PLEKHA8: variants seen among roughly 807,000 people sequenced by gnomAD.
PLEKHA8 encodes the protein pleckstrin homology domain-containing family A member 8.
Under a neutral mutation model 68.2 loss-of-function variants are expected in PLEKHA8, and 36 were observed. The observed-to-expected ratio is 0.53, with a 90% CI of 0.40 to 0.70. The LOEUF (loss-of-function observed/expected upper bound fraction) is 0.70, where lower values mean the gene tolerates loss of function less well. Ranked by LOEUF, PLEKHA8 falls within the 30% of genes least tolerant of loss-of-function variation. The pLI, the probability that PLEKHA8 is intolerant of heterozygous loss-of-function variation, is 0.00. For synonymous variants in PLEKHA8, 211 were observed against 216.1 expected, an observed-to-expected ratio of 0.98 and a Z score of 0.20; for missense variants, 505 against 615.4, an observed-to-expected ratio of 0.82 and a Z score of 1.90.
Position 30,083,304 on chromosome 7 carries a change from CAG to C in PLEKHA8, c.*4518_*4519del. The C allele has an allele frequency of 2.0e-6, 2 of 985,014 alleles. No homozygotes were observed. The highest frequency in any genetic ancestry group is 2.4e-6 in the Non-Finnish European group (2 of 829,558). 61.0% of individuals were successfully genotyped at this position (985,014 alleles called of 1,614,324 possible). On this transcript the variant is annotated 3_prime_UTR_variant, in exon 14 of 14. Transcript: ENST00000449726. ...CCTTTGTAATCCGCAGTTGCTTACT[CAG>C]GGGTTTCATAGTCATTTCATAAAAA... is the stretch of plus-strand genomic sequence containing the variant.
Position 30,079,417 on chromosome 7 carries a change from G to A in PLEKHA8, c.*630G>A, listed in dbSNP as rs754785821. The A allele has an allele frequency of 1.0e-4, 100 of 985,588 alleles. No homozygotes were observed. Among genetic ancestry groups the A allele is most frequent in the Non-Finnish European group, 1.2e-4 (100 of 830,206 alleles). The allele number at this position is 985,588 out of a possible 1,614,324, so 61.1% of individuals were successfully genotyped here. On this transcript the variant is annotated 3_prime_UTR_variant, in exon 14 of 14. Coordinates refer to ENST00000449726, the MANE Select transcript of PLEKHA8 (RefSeq NM_001197026.2). ...CTGACAGGCATGAAACCGTTGCTCT[G>A]AGAAGATTAATGGTGTGCCCTAGCC...
chr7:30,031,317 G>A (rs1041018889), intron 1 of PLEKHA8, among the ~76,000 whole-genome samples: 1 of 152,190 alleles, frequency 6.6e-6, no homozygotes, highest in African/African-American at 2.4e-5. Flanking sequence ...CGGGTTGTTA[G>A]AGAAAGCTTC....
intron 2 of PLEKHA8, among the ~76,000 whole-genome samples, chr7:30,045,820 A>G (rs1431385836): frequency 6.6e-6 from 1 of 152,236 alleles, no homozygotes; most frequent in Admixed American, 6.5e-5. Flanking sequence ...ATTGTTTCCC[A>G]ATAAATCCAA....
intron 1 of PLEKHA8, among the ~76,000 whole-genome samples, chr7:30,031,359 A>T (rs1790646645): frequency 6.6e-6 from 1 of 152,214 alleles, no homozygotes; most frequent in South Asian, 2.1e-4. Context: ...AGTCTGAAGG[A>T]TAAATCAAGC....
In PLEKHA8 at chr7:30,124,055, G is replaced by A. The variant is rs143162722; in HGVS notation, c.1363-5211G>A. Among the ~76,000 whole-genome samples, 263 of 152,282 alleles carry A rather than the reference G, an allele frequency of 1.7e-3. 1 individual carries two copies. Among genetic ancestry groups the A allele is most frequent in the African/African-American group, 5.9e-3 (247 of 41,560 alleles). ...ATTTTGGTTAAAATGTATTTAATAT[G>A]ACTTATTAAGACTAAACTAGGAGCA... is the stretch of plus-strand genomic sequence containing the variant. On this transcript the variant is annotated intron_variant, in intron 13 of 13. Coordinates refer to the PLEKHA8 transcript ENST00000396257.
At chr7:30,052,665 A>G (rs1329290270) in intron 6 of PLEKHA8, 44 bp from the exon 7 acceptor site, 1 of 1,475,612 alleles carries the variant, frequency 6.8e-7, no homozygotes, top group African/African-American at 1.5e-5. Context: ...AAAAAAGACC[A>G]AATAACGACC....
At chr7:30,096,505 A>G (rs1287304820) in intron 13 of PLEKHA8, among the ~76,000 whole-genome samples, 1 of 152,164 alleles carries the variant, frequency 6.6e-6, no homozygotes, top group Non-Finnish European at 1.5e-5. Context: ...TCCTAATTGA[A>G]TGCCCTTTAT....
chr7:30,073,563 T>C (rs1261197632), intron 12 of PLEKHA8, among the ~76,000 whole-genome samples: 1 of 111,776 alleles, frequency 8.9e-6, no homozygotes, highest in Non-Finnish European at 1.8e-5. Context: ...TTGTGTTTCT[T>C]AAAAAAAAAA....
At chr7:30,031,439 A>ACAGGGAATGC (rs1367830370) in intron 1 of PLEKHA8, among the ~76,000 whole-genome samples, 2 of 152,226 alleles carry the variant, frequency 1.3e-5, no homozygotes, top group African/African-American at 2.4e-5. Context: ...CTTTTCAGGC[A>ACAGGGAATGC]CAGGGAATGC....
rs773152004 is a variant in PLEKHA8 at position 30,121,929 on chromosome 7, TC to T, written c.1363-7335del. Reference sequence around the variant, plus strand: ...AGCTATTCATTCTACAGAAGTGCCATCCAACTATCTTGGTATGATTGCCACA... The same window carrying T: ...AGCTATTCATTCTACAGAAGTGCCATCAACTATCTTGGTATGATTGCCACA... On this transcript the variant is annotated intron_variant, in intron 13 of 13. Transcript: ENST00000396257. Among the ~76,000 whole-genome samples the T allele has an allele frequency of 4.6e-5, 7 of 152,324 alleles. No homozygotes were observed. The South Asian group carries it at 8.3e-4, about 18-fold the overall frequency.
At position 30,079,723 on chromosome 7, in the gene PLEKHA8, C is replaced by A; in HGVS notation, c.*936C>A. On this transcript the variant is annotated 3_prime_UTR_variant, in exon 14 of 14. Coordinates refer to ENST00000449726, the MANE Select transcript of PLEKHA8 (RefSeq NM_001197026.2). ...TCATATGGAGTGCTTGTTCAAACAG[C>A]AGATTCCCAGGCCTTATTTTGGCCT... 2 of 505,194 alleles carry A rather than the reference C, an allele frequency of 4.0e-6. No homozygotes were observed. Among genetic ancestry groups the A allele is most frequent in the Non-Finnish European group, 5.1e-6 (2 of 391,570 alleles). The allele number at this position is 505,194 out of a possible 1,614,324, so 31.3% of individuals were successfully genotyped here. A position where few individuals can be genotyped will look rare whatever the true frequency, so the allele number is the denominator to read the frequency against.
intron 1 of PLEKHA8, among the ~76,000 whole-genome samples, chr7:30,032,430 A>AT (rs1790737032): frequency 6.6e-6 from 1 of 152,238 alleles, no homozygotes; most frequent in African/African-American, 2.4e-5. Flanking sequence ...TTTTCTAAAC[A>AT]TTTTACATGG....
At chr7:30,054,633 G>C in intron 7 of PLEKHA8, 76 bp from the exon 8 acceptor site, 1 of 1,020,312 alleles carries the variant, frequency 9.8e-7, no homozygotes, top group Non-Finnish European at 1.3e-6. Context: ...CTGTGTTTTA[G>C]AAATTTTCAA....
intron 13 of PLEKHA8, among the ~76,000 whole-genome samples, chr7:30,096,863 T>A (rs1820941069): frequency 6.6e-6 from 1 of 152,236 alleles, no homozygotes; most frequent in Non-Finnish European, 1.5e-5. Context: ...TTTGATCCTG[T>A]CATTATGATG....
intron 12 of PLEKHA8, chr7:30,072,172 T>C (rs988925742): frequency 5.9e-5 from 9 of 152,254 alleles, no homozygotes; most frequent in Non-Finnish European, 1.0e-4. Flanking sequence ...TCTAAGAGTC[T>C]TCTTCATACT....
intron 5 of PLEKHA8, 87 bp downstream of exon 5, chr7:30,049,469 G>A: frequency 6.7e-7 from 1 of 1,489,418 alleles, no homozygotes; most frequent in South Asian, 1.4e-5. Flanking sequence ...TTACCCTTTA[G>A]TGACTTATAA....
chr7:30,046,115 G>T, intron 2 of PLEKHA8, 95 bp from the exon 3 acceptor site: 1 of 1,216,282 alleles, frequency 8.2e-7, no homozygotes, highest in Non-Finnish European at 1.1e-6. Flanking sequence ...AGCCTTCAAT[G>T]ACTGCCATCA....
chr7:30,058,511 A>C (rs1271056332), intron 9 of PLEKHA8, among the ~76,000 whole-genome samples: 10 of 149,578 alleles, frequency 6.7e-5, no homozygotes, highest in Non-Finnish European at 1.5e-4. Context: ...CTGGTTGCTC[A>C]AGAACCGTGG....
At chr7:30,056,329 T>TATATATAA (rs1792901591) in intron 9 of PLEKHA8, among the ~76,000 whole-genome samples, 2 of 134,930 alleles carry the variant, frequency 1.5e-5, no homozygotes, top group East Asian at 2.1e-4. Context: ...TATATATATA[T>TATATATAA]ATAAATAACA....
Sources: gnomAD v4.1 joint callset for allele counts (sites outside exome capture counted in the v4.1 genomes callset) on GRCh38, gnomAD v4.1.1 for gene constraint, MANE v1.5 for transcripts, NCBI Gene and HGNC (gene_info 2026-07-23, HGNC 2026-07-21) for gene names.